NRXN1: variants seen among roughly 807,000 people sequenced by gnomAD.
NRXN1 encodes the protein neurexin 1, also known as neurexin-1.
NRXN1 carries 39 observed loss-of-function variants against 150.9 expected under a neutral mutation model. That is an observed-to-expected ratio of 0.26 (90% CI 0.20 to 0.34). The LOEUF (loss-of-function observed/expected upper bound fraction) is 0.34, where lower values mean the gene tolerates loss of function less well. NRXN1 is among the 10% of genes least tolerant of loss of function. NRXN1 has a pLI of 1.00. For missense variants in NRXN1, 1,815 were observed against 1,949.9 expected, an observed-to-expected ratio of 0.93 and a Z score of 1.30; for synonymous variants, 924 against 757.0, an observed-to-expected ratio of 1.22 and a Z score of -3.62.
At chr2:50,531,059 A>C (rs894465622) in intron 11 of NRXN1, among the ~76,000 whole-genome samples, 168 bp downstream of exon 11, 5 of 152,214 alleles carry the variant, frequency 3.3e-5, no homozygotes, top group Non-Finnish European at 5.9e-5. Flanking sequence ...AAATAAAATA[A>C]AAAATAAAAA....
chr2:50,385,939 A>T (rs564268371), intron 17 of NRXN1, among the ~76,000 whole-genome samples: 4 of 152,062 alleles, frequency 2.6e-5, no homozygotes, highest in Admixed American at 6.6e-5. Flanking sequence ...GCACTACGAA[A>T]AGGTGGAATA....
At chr2:50,043,157 A>G (rs1691274758) in intron 21 of NRXN1, among the ~76,000 whole-genome samples, 1 of 152,184 alleles carries the variant, frequency 6.6e-6, no homozygotes, top group Admixed American at 6.6e-5. Flanking sequence ...CAAATTCCCA[A>G]ACAATGTAGA....
At chr2:50,281,148 CAAAA>C (rs70946898) in intron 17 of NRXN1, among the ~76,000 whole-genome samples, 15,618 of 107,088 alleles carry the variant, frequency 0.15, 1,078 homozygotes, top group East Asian at 0.45. Flanking sequence ...ACTAAAAATA[CAAAA>C]AAAAAAAAAA....
intron 21 of NRXN1, among the ~76,000 whole-genome samples, chr2:50,042,391 T>G (rs901153681): frequency 6.6e-6 from 1 of 152,160 alleles, no homozygotes; most frequent in African/African-American, 2.4e-5. Context: ...CTCTCATTAT[T>G]CTCCTTTCTG....
At chr2:49,928,101 T>C (rs1290855128) in intron 22 of NRXN1, among the ~76,000 whole-genome samples, 3 of 150,006 alleles carry the variant, frequency 2.0e-5, no homozygotes, top group Admixed American at 1.3e-4. Context: ...TCTTAGGAAA[T>C]AATAAAGAAA....
chr2:50,522,719 CATTTTTTT>C (rs1384117540), intron 12 of NRXN1, among the ~76,000 whole-genome samples: 24,334 of 84,424 alleles, frequency 0.29, 5,130 homozygotes, highest in Admixed American at 0.37. Flanking sequence ...TATTTTTATT[CATTTTTTT>C]TTTTTTTTTT....
At chr2:50,167,660 C>G (rs983351649) in intron 18 of NRXN1, among the ~76,000 whole-genome samples, 2 of 152,094 alleles carry the variant, frequency 1.3e-5, no homozygotes, top group Non-Finnish European at 2.9e-5. Context: ...CAACTCTTTT[C>G]CACTAAGTAT....
intron 17 of NRXN1, among the ~76,000 whole-genome samples, chr2:50,428,492 T>C (rs569784489): frequency 6.6e-6 from 1 of 152,366 alleles, no homozygotes; most frequent in East Asian, 1.9e-4. Context: ...ACTTGGTTTT[T>C]AATTTAAGAA....
At chr2:50,478,829 T>C (rs1290600018) in intron 15 of NRXN1, among the ~76,000 whole-genome samples, 2 of 152,256 alleles carry the variant, frequency 1.3e-5, no homozygotes, top group East Asian at 3.8e-4. Flanking sequence ...CTTTATTTTA[T>C]ATCTCACACC....
At chr2:50,466,482 A>T (rs1268801365) in intron 16 of NRXN1, 1 of 471,956 alleles carries the variant, frequency 2.1e-6, no homozygotes, top group South Asian at 1.5e-5. Context: ...GCTTTCATCA[A>T]TGCAACTTTG....
At chr2:50,405,054 G>T (rs2082663492) in intron 17 of NRXN1, among the ~76,000 whole-genome samples, 1 of 152,078 alleles carries the variant, frequency 6.6e-6, no homozygotes, top group African/African-American at 2.4e-5. Flanking sequence ...AACTTACTAT[G>T]CCAAAGAGGG....
At chr2:50,638,304 G>T (rs1042156238) in intron 5 of NRXN1, among the ~76,000 whole-genome samples, 2 of 152,160 alleles carry the variant, frequency 1.3e-5, no homozygotes, top group South Asian at 4.2e-4. Context: ...CCAATGACCA[G>T]TTTATTTTAA....
At chr2:50,513,894 G>A (rs2092547261) in intron 12 of NRXN1, among the ~76,000 whole-genome samples, 1 of 151,930 alleles carries the variant, frequency 6.6e-6, no homozygotes, top group Admixed American at 6.6e-5. Flanking sequence ...TAAACTCATT[G>A]CATCTCTACA....
Position 50,071,974 on chromosome 2 carries a change from G to T in NRXN1, c.3719-16930C>A, listed in dbSNP as rs549828730. On this transcript the variant is annotated intron_variant, in intron 19 of 22. Transcript: ENST00000401669. ...CATTACAGTCCTGGTAATTAGTACA[G>T]TTACCAAATAAACTCTATCCATGTA... 2.0e-5 allele frequency among the ~76,000 whole-genome samples: 3 copies of T among 152,212 alleles called. No homozygotes were observed. In the East Asian group the frequency reaches 5.8e-4, roughly 29 times the overall value.
chr2:50,782,453 A>G (rs571711867), intron 5 of NRXN1, among the ~76,000 whole-genome samples: 2 of 151,750 alleles, frequency 1.3e-5, no homozygotes, highest in Non-Finnish European at 2.9e-5. Flanking sequence ...TGGGTGACAC[A>G]ACGAGACTCT....
intron 5 of NRXN1, among the ~76,000 whole-genome samples, chr2:50,839,507 T>C (rs1672571312): frequency 1.3e-5 from 2 of 152,124 alleles, no homozygotes; most frequent in Non-Finnish European, 2.9e-5. Context: ...ATGTTACTTG[T>C]AGGAACAATT....
intron 5 of NRXN1, among the ~76,000 whole-genome samples, chr2:50,875,425 T>TTA (rs1469406185): frequency 1.3e-5 from 2 of 151,722 alleles, no homozygotes; most frequent in African/African-American, 4.8e-5. Context: ...GTAACATATA[T>TTA]TAGTTCCTCA....
chr2:50,386,208 T>C (rs2081315746), intron 17 of NRXN1, among the ~76,000 whole-genome samples: 1 of 152,132 alleles, frequency 6.6e-6, no homozygotes, highest in Admixed American at 6.6e-5. Context: ...ACAGAACTGA[T>C]GGTTGTAAGC....
At chr2:50,225,713 GTC>G (rs1199990901) in intron 18 of NRXN1, among the ~76,000 whole-genome samples, 1 of 151,916 alleles carries the variant, frequency 6.6e-6, no homozygotes, top group Non-Finnish European at 1.5e-5. Context: ...CACTCTGGAG[GTC>G]TCTTTTTGCT....
Sources: gnomAD v4.1 joint callset for allele counts (sites outside exome capture counted in the v4.1 genomes callset) on GRCh38, gnomAD v4.1.1 for gene constraint, MANE v1.5 for transcripts, NCBI Gene and HGNC (gene_info 2026-07-23, HGNC 2026-07-21) for gene names.